DOCK8: variants seen among roughly 807,000 people sequenced by gnomAD.
DOCK8 encodes dedicator of cytokinesis protein 8.
A neutral mutation model predicts 245.6 loss-of-function variants in DOCK8; 141 were observed. The ratio of observed to expected loss-of-function variants is 0.57; its 90% confidence interval spans 0.50 to 0.66. The LOEUF (loss-of-function observed/expected upper bound fraction) is 0.66. DOCK8 is among the 30% of genes least tolerant of loss of function. The probability of loss-of-function intolerance (pLI) is 0.00; values close to 1 mark genes in which losing one functional copy is unlikely to be tolerated. For synonymous variants in DOCK8, 1,168 were observed against 970.2 expected (o/e 1.20, Z -3.79); for missense variants, 2,965 against 2,603.4 (o/e 1.14, Z -3.02).
At chr9:249,770 A>G (rs930531592) in intron 1 of DOCK8, among the ~76,000 whole-genome samples, 5 of 146,222 alleles carry the variant, frequency 3.4e-5, no homozygotes, top group Admixed American at 6.9e-5. Flanking sequence ...GGTGCCCACC[A>G]CCATGCCTGG....
At chr9:247,261 A>G (rs2047527091) in intron 1 of DOCK8, among the ~76,000 whole-genome samples, 1 of 152,116 alleles carries the variant, frequency 6.6e-6, no homozygotes, top group East Asian at 1.9e-4. Context: ...TTCTTTTTTT[A>G]ATTGCTTTAA....
Position 286,475 on chromosome 9 carries a change from C to G in DOCK8, c.171C>G (p.Asp57Glu). ...TGCCCCTCCAGCCTCAGTTTTATGACCCTGTGGAGCCAGTGGACTTTGAAG... is the reference window on the plus strand; with the variant it reads ...TGCCCCTCCAGCCTCAGTTTTATGAGCCTGTGGAGCCAGTGGACTTTGAAG... ...FPSLQLPQFY[D>E]PVEPVDFEGL... Residue 57 changes from aspartate (D) to glutamate (E), a missense_variant, in exon 3 of 48, where the codon GAC (aspartate) becomes GAG (glutamate). Asp to Glu is a conservative substitution (Grantham distance 45). This residue lies in a region of DOCK8 where 2,825 missense variants were observed against 2,453.5 expected (regional missense o/e 1.15). Transcript: ENST00000432829. The G allele has an allele frequency of 6.2e-7, 1 of 1,613,902 alleles. No homozygotes were observed. The highest frequency in any genetic ancestry group is 8.5e-7 in the Non-Finnish European group (1 of 1,179,860).
chr9:260,417 A>T lies in DOCK8; in HGVS notation c.54-11210A>T, dbSNP rs560801966. ...GGATTCTTGGTTCTTCAGGATAGTTACAGATAACAATGGGCAGAATAGCCA... is the reference window on the plus strand; with the variant it reads ...GGATTCTTGGTTCTTCAGGATAGTTTCAGATAACAATGGGCAGAATAGCCA... On this transcript the variant is annotated intron_variant, in intron 1 of 47. Transcript: ENST00000432829. Among the ~76,000 whole-genome samples the T allele has an allele frequency of 3.3e-5, 5 of 152,384 alleles. No homozygotes were observed. In the East Asian group the frequency reaches 9.6e-4, roughly 29 times the overall value.
Position 271,686 on chromosome 9 carries a change from A to G in DOCK8, c.113A>G (p.His38Arg), listed in dbSNP as rs985067218. 5 of 1,551,768 alleles carry G rather than the reference A, an allele frequency of 3.2e-6. No individual in the cohort carries two copies. The highest frequency in any genetic ancestry group is 2.0e-5 in the Admixed American group (1 of 50,960). Reference sequence around the variant, plus strand: ...CTCCCACCAAACCTTGGCCAGTACCATCGACAGAGCATAAGTACCTCTGGC... The same window carrying G: ...CTCCCACCAAACCTTGGCCAGTACCGTCGACAGAGCATAAGTACCTCTGGC... ...FTLPPNLGQY[H>R]RQSISTSGFP... Residue 38 changes from histidine to arginine, a missense_variant, in exon 2 of 48, where the codon CAT becomes CGT. His to Arg is a conservative substitution (Grantham distance 29, BLOSUM62 0). Around this residue, in one of 3 missense-constraint regions of DOCK8, gnomAD observed 2,825 missense variants for 2,453.5 expected, o/e 1.15. Transcript: ENST00000432829.
At chr9:293,672 A>C (rs951681929) in intron 4 of DOCK8, among the ~76,000 whole-genome samples, 2 of 152,258 alleles carry the variant, frequency 1.3e-5, no homozygotes, top group Non-Finnish European at 2.9e-5. Context: ...TTCCAGCTCC[A>C]TCTGATCCAC....
At chr9:220,897 T>G (rs2046868828) in intron 1 of DOCK8, 1 of 272,892 alleles carries the variant, frequency 3.7e-6, no homozygotes, top group African/African-American at 2.3e-5. Flanking sequence ...ATTTTTGTAT[T>G]TTTAGTAGAG....
intron 4 of DOCK8, among the ~76,000 whole-genome samples, chr9:290,218 C>T (rs2048981179): frequency 6.6e-6 from 1 of 152,026 alleles, no homozygotes; most frequent in Admixed American, 6.5e-5. Flanking sequence ...CCCAGGATGG[C>T]TTTGAATGTG....
chr9:410,095 G>A (rs1428487482), intron 28 of DOCK8, among the ~76,000 whole-genome samples: 1 of 152,012 alleles, frequency 6.6e-6, no homozygotes, highest in Non-Finnish European at 1.5e-5. Context: ...CTATGACTAG[G>A]TTCCAGATAC....
Position 464,308 on chromosome 9 carries a change from A to C in DOCK8, c.*89A>C. 9.2e-7 allele frequency: 1 copy of C among 1,091,778 alleles called. No individual in the cohort carries two copies. Among genetic ancestry groups the C allele is most frequent in the Non-Finnish European group, 1.4e-6 (1 of 704,052 alleles). 67.6% of individuals were successfully genotyped at this position (1,091,778 alleles called of 1,614,324 possible). On this transcript the variant is annotated 3_prime_UTR_variant, in exon 48 of 48. Transcript: ENST00000432829. The stretch of plus-strand genomic sequence containing the variant: ...TTAAAAAATGGGACATTTGCCACCC[A>C]GGACTGACTGTACACTCCCTGATCA...
chr9:371,384 A>C, intron 16 of DOCK8, 44 bp from the exon 17 acceptor site: 4 of 1,613,028 alleles, frequency 2.5e-6, no homozygotes, highest in Non-Finnish European at 3.4e-6. Context: ...AGAAGTCATC[A>C]TTCTTGCTAA....
At chr9:412,471 CTA>C (rs1453394513) in intron 28 of DOCK8, among the ~76,000 whole-genome samples, 1 of 148,506 alleles carries the variant, frequency 6.7e-6, no homozygotes, top group Non-Finnish European at 1.5e-5. Flanking sequence ...AGAAGTAAAA[CTA>C]TCTCTATTCA....
chr9:367,982 A>G (rs2053092452), intron 14 of DOCK8, 36 bp from the exon 15 acceptor site: 1 of 1,529,788 alleles, frequency 6.5e-7, no homozygotes, highest in Non-Finnish European at 9.1e-7. Context: ...TAAACTCTAG[A>G]CCTTTTTCAT....
intron 44 of DOCK8, among the ~76,000 whole-genome samples, chr9:448,957 C>G (rs1469242035): frequency 6.6e-6 from 1 of 152,178 alleles, no homozygotes; most frequent in South Asian, 2.1e-4. Context: ...GAAATTCACC[C>G]TCAGTTGGAG....
At chr9:213,830 G>C (rs1173829522), upstream of DOCK8, 2 of 152,078 alleles carry the variant, frequency 1.3e-5, no homozygotes, top group Non-Finnish European at 2.9e-5. Flanking sequence ...CCGGGTTCAA[G>C]TGATTCCCCT....
At chr9:370,384 C>T (rs1185553545) in intron 16 of DOCK8, 84 bp downstream of exon 16, 1 of 1,233,330 alleles carries the variant, frequency 8.1e-7, no homozygotes, top group African/African-American at 1.5e-5. Flanking sequence ...GTGGTTCCTC[C>T]TAACTATTTT....
rs2057467447 is a variant in DOCK8 at position 451,967 on chromosome 9, ATATATATATATTTTTTTTTTTT to A, written c.5962-42_5962-21del. The A allele has an allele frequency of 1.6e-5, 6 of 384,492 alleles. No individual in the cohort carries two copies. In the African/African-American group the frequency reaches 1.8e-4, roughly 11 times the overall value. The allele number at this position is 384,492 out of a possible 1,614,324, so 23.8% of individuals were successfully genotyped here. A position where few individuals can be genotyped will look rare whatever the true frequency, so the allele number is the denominator to read the frequency against. ...TATGTGTGTGTGTGTATATATATAT[ATATATATATATTTTTTTTTTTT>A]TTTTTTTTTTTTTCCCACCAGGGAC... On this transcript the variant is annotated intron_variant, in intron 45 of 47. Transcript: ENST00000432829.
intron 14 of DOCK8, among the ~76,000 whole-genome samples, chr9:352,010 G>A (rs1202536105): frequency 3.3e-5 from 5 of 152,190 alleles, no homozygotes; most frequent in Non-Finnish European, 7.3e-5. Flanking sequence ...ATGTTTGGTG[G>A]GCGTCGAGCA....
At chr9:224,857 A>G (rs909135470) in intron 1 of DOCK8, among the ~76,000 whole-genome samples, 11 of 152,218 alleles carry the variant, frequency 7.2e-5, no homozygotes. Flanking sequence ...CTGACAATGC[A>G]GGAGTCCCTT....
In DOCK8 at chr9:426,926, A is replaced by G. The variant is rs150057289; in HGVS notation, c.4283A>G (p.Asn1428Ser). ...ELDQEALISG[N>S]LATEAHLIIL... Reference sequence around the variant, plus strand: ...GATCAAGAAGCCTTGATCAGTGGCAATCTGGCTACAGAAGCACATTTAATC... The same window carrying G: ...GATCAAGAAGCCTTGATCAGTGGCAGTCTGGCTACAGAAGCACATTTAATC... The change falls in exon 34 of 48, where the codon AAT becomes AGT. Residue 1428 changes from asparagine (N) to serine (S), a missense_variant. Transcript: ENST00000432829. 1.9e-4 allele frequency: 303 copies of G among 1,614,076 alleles called. No individual in the cohort carries two copies. The highest frequency in any genetic ancestry group is 2.0e-4 in the African/African-American group (15 of 74,946).
Sources: allele counts gnomAD v4.1 joint callset (sites outside exome capture counted in the v4.1 genomes callset), GRCh38; gene constraint gnomAD v4.1.1; regional missense constraint gnomAD v4.1.1; transcripts MANE v1.5; gene names NCBI Gene and HGNC (gene_info 2026-07-23, HGNC 2026-07-21).